Variants in SV2C observed in about 807,000 individuals in gnomAD.
SV2C encodes solute carrier family 22 member B3.
SV2C carries 49 observed loss-of-function variants against 79.7 expected under a neutral mutation model. That is an observed-to-expected ratio of 0.61 (90% CI 0.49 to 0.78). SV2C has a LOEUF of 0.78. Ranked by LOEUF, SV2C falls within the 30% of genes least tolerant of loss-of-function variation. SV2C has a pLI of 0.00. For missense variants in SV2C, 833 were observed against 912.9 expected, an observed-to-expected ratio of 0.91 and a Z score of 1.13; for synonymous variants, 334 against 333.2, an observed-to-expected ratio of 1.00 and a Z score of -0.03.
rs181889901 is a variant in SV2C, at chr5:76,349,122, T to A, written c.2001-4008T>A. On this transcript the variant is annotated intron_variant, in intron 12 of 12. Coordinates refer to the SV2C transcript ENST00000322285. ...ACTTCTCTGTCCCTCATTTGTTTCA[T>A]CAATAAAAAAGAAGAATAGTACCTA... Among the ~76,000 whole-genome samples, 52 of 152,344 alleles carry A rather than the reference T, an allele frequency of 3.4e-4. No individual in the cohort carries two copies. In the East Asian group the frequency reaches 9.6e-3, roughly 28 times the overall value.
chr5:76,122,591 A>G (rs528928571), intron 1 of SV2C, among the ~76,000 whole-genome samples: 37 of 152,260 alleles, frequency 2.4e-4, no homozygotes, highest in Middle Eastern at 6.8e-3. Flanking sequence ...GCTCAACTAC[A>G]TGGAAACTGA....
chr5:75,930,680 G>A, the SV2C span, among the ~76,000 whole-genome samples: 1 of 152,168 alleles, frequency 6.6e-6, no homozygotes, highest in Non-Finnish European at 1.5e-5. Context: ...ATGGACGTGA[G>A]CACTGTCCTA....
chr5:75,872,579 A>G, the SV2C span, among the ~76,000 whole-genome samples: 1 of 152,224 alleles, frequency 6.6e-6, no homozygotes, highest in African/African-American at 2.4e-5. Context: ...GAATAGAAGA[A>G]TATCATATTT....
the SV2C span, among the ~76,000 whole-genome samples, chr5:75,954,653 T>G: frequency 1.3e-5 from 2 of 150,072 alleles, no homozygotes; most frequent in Admixed American, 6.6e-5. Flanking sequence ...CCCCATTGTC[T>G]CAGCCCAAAA....
chr5:76,082,926 T>G (rs1362397459), upstream of SV2C, among the ~76,000 whole-genome samples: 2 of 152,142 alleles, frequency 1.3e-5, no homozygotes, highest in African/African-American at 2.4e-5. Context: ...AACCCTCTTT[T>G]TGTCCGGTGC....
At chr5:76,028,658 A>G in the SV2C span, among the ~76,000 whole-genome samples, 1 of 152,206 alleles carries the variant, frequency 6.6e-6, no homozygotes, top group Non-Finnish European at 1.5e-5. Flanking sequence ...TGTGATTCTG[A>G]TGATTGATCT....
At chr5:75,966,333 T>A in the SV2C span, among the ~76,000 whole-genome samples, 1 of 152,194 alleles carries the variant, frequency 6.6e-6, no homozygotes, top group Admixed American at 6.5e-5. Context: ...GAAATCATAC[T>A]TTTGGTAGTC....
chr5:76,301,598 T>A, intron 12 of SV2C, 53 bp downstream of exon 12: 2 of 1,563,856 alleles, frequency 1.3e-6, no homozygotes, highest in South Asian at 1.2e-5. Flanking sequence ...GTGAGACCAC[T>A]GAAAAATTAT....
chr5:76,281,977 T>G (rs1039579699), intron 4 of SV2C, among the ~76,000 whole-genome samples: 9 of 152,116 alleles, frequency 5.9e-5, no homozygotes, highest in Non-Finnish European at 1.3e-4. Context: ...TCTTTAGGGG[T>G]GAGGGAATAT....
At chr5:76,088,757 T>C (rs1480981924) in intron 1 of SV2C, among the ~76,000 whole-genome samples, 1 of 152,184 alleles carries the variant, frequency 6.6e-6, no homozygotes, top group Non-Finnish European at 1.5e-5. Context: ...AATCTAGCAA[T>C]TCTGTTTATG....
the SV2C span, among the ~76,000 whole-genome samples, chr5:75,893,720 G>A: frequency 6.6e-6 from 1 of 152,076 alleles, no homozygotes; most frequent in Admixed American, 6.6e-5. Flanking sequence ...TAACAAATGT[G>A]TACATGTACC....
the SV2C span, among the ~76,000 whole-genome samples, chr5:75,951,895 A>T: frequency 2.0e-5 from 3 of 152,034 alleles, no homozygotes; most frequent in Non-Finnish European, 2.9e-5. Context: ...ATCTCACATA[A>T]CAGTTCTTTT....
the SV2C span, among the ~76,000 whole-genome samples, chr5:75,998,831 ACTCT>A: frequency 6.7e-6 from 1 of 149,328 alleles, no homozygotes; most frequent in Admixed American, 6.7e-5. Context: ...TCTATCTCTC[ACTCT>A]CTCTCTCTCT....
At chr5:76,185,433 T>C (rs1743884058) in intron 2 of SV2C, among the ~76,000 whole-genome samples, 1 of 152,232 alleles carries the variant, frequency 6.6e-6, no homozygotes, top group Non-Finnish European at 1.5e-5. Context: ...TTAGCAGAGA[T>C]TCTCCATGAG....
chr5:75,946,780 G>A, the SV2C span, among the ~76,000 whole-genome samples: 1 of 151,952 alleles, frequency 6.6e-6, no homozygotes, highest in Admixed American at 6.6e-5. Flanking sequence ...TGACTACAAA[G>A]GTACAACACA....
At chr5:76,258,509 G>A (rs1164901838) in intron 4 of SV2C, among the ~76,000 whole-genome samples, 2 of 152,174 alleles carry the variant, frequency 1.3e-5, no homozygotes, top group Non-Finnish European at 2.9e-5. Context: ...AGAATGTTCA[G>A]ATGGAAATGA....
intron 2 of SV2C, among the ~76,000 whole-genome samples, chr5:76,169,922 G>A (rs1743164689): frequency 6.6e-6 from 1 of 152,174 alleles, no homozygotes; most frequent in South Asian, 2.1e-4. Context: ...ATGTCTTCTA[G>A]AGGGCTGGGT....
intron 4 of SV2C, among the ~76,000 whole-genome samples, chr5:76,248,147 A>G (rs528997561): frequency 1.3e-5 from 2 of 152,370 alleles, no homozygotes; most frequent in African/African-American, 4.8e-5. Flanking sequence ...TGCCACGAGC[A>G]TCATCTAGAA....
chr5:76,081,134 A>G (rs1746980791), upstream of SV2C, among the ~76,000 whole-genome samples: 1 of 152,270 alleles, frequency 6.6e-6, no homozygotes, highest in African/African-American at 2.4e-5. Flanking sequence ...ACGAAAATCC[A>G]GAAGTAGAAA....
Sources: allele counts gnomAD v4.1 joint callset (sites outside exome capture counted in the v4.1 genomes callset), GRCh38; gene constraint gnomAD v4.1.1; transcripts MANE v1.5; gene names NCBI Gene and HGNC (gene_info 2026-07-23, HGNC 2026-07-21).